Variants in OPRM1 observed in about 807,000 individuals in gnomAD.
OPRM1 encodes mu-type opioid receptor.
A neutral mutation model predicts 31.8 loss-of-function variants in OPRM1; 27 were observed. The ratio of observed to expected loss-of-function variants is 0.85; its 90% confidence interval spans 0.63 to 1.17. OPRM1 has a LOEUF of 1.17. Among genes scored for constraint, OPRM1 ranks in the 50% most tolerant of loss-of-function variants. OPRM1 has a pLI of 0.00. For missense variants in OPRM1, 536 were observed against 511.1 expected, an observed-to-expected ratio of 1.05 and a Z score of -0.47; for synonymous variants, 196 against 189.9, an observed-to-expected ratio of 1.03 and a Z score of -0.26.
At chr6:154,183,043 G>A (rs968075530) in intron 3 of OPRM1, among the ~76,000 whole-genome samples, 16 of 151,898 alleles carry the variant, frequency 1.1e-4, no homozygotes, top group Admixed American at 3.9e-4. Context: ...GCAGTGGTGT[G>A]ATCTCAGCTC....
At chr6:154,109,136 G>A in intron 3 of OPRM1, 3 of 609,400 alleles carry the variant, frequency 4.9e-6, no homozygotes, top group Non-Finnish European at 6.2e-6. Context: ...ATTGTGTTCA[G>A]AGATGAATAA....
chr6:154,246,192 T>C (rs1321303728), intron 3 of OPRM1, among the ~76,000 whole-genome samples: 1 of 152,204 alleles, frequency 6.6e-6, no homozygotes, highest in African/African-American at 2.4e-5. Context: ...GACACCCTTG[T>C]AGGTCGTGAA....
intron 3 of OPRM1, among the ~76,000 whole-genome samples, chr6:154,162,708 T>G (rs980456610): frequency 4.0e-5 from 6 of 148,180 alleles, no homozygotes; most frequent in Non-Finnish European, 9.0e-5. Flanking sequence ...GCTCTATCTA[T>G]GTTCATGCTG....
chr6:154,082,477 A>G (rs1789393034), intron 1 of OPRM1, among the ~76,000 whole-genome samples: 1 of 152,204 alleles, frequency 6.6e-6, no homozygotes, highest in Admixed American at 6.5e-5. Flanking sequence ...TCTACAGCAT[A>G]TGTTTGCACT....
At chr6:154,093,769 C>T (rs1792851419) in intron 3 of OPRM1, among the ~76,000 whole-genome samples, 1 of 152,206 alleles carries the variant, frequency 6.6e-6, no homozygotes, top group Non-Finnish European at 1.5e-5. Flanking sequence ...GATGCTCTGA[C>T]ATATTTAAAA....
chr6:154,188,338 T>G (rs1202083170), intron 3 of OPRM1, among the ~76,000 whole-genome samples: 1 of 152,222 alleles, frequency 6.6e-6, no homozygotes, highest in Admixed American at 6.5e-5. Context: ...TGAAATTTAT[T>G]ATAAGATGTA....
At chr6:154,185,588 T>C (rs1000204460) in intron 3 of OPRM1, among the ~76,000 whole-genome samples, 2 of 152,210 alleles carry the variant, frequency 1.3e-5, no homozygotes, top group African/African-American at 4.8e-5. Context: ...TAACACAAAA[T>C]ATGCCATATG....
intron 1 of OPRM1, among the ~76,000 whole-genome samples, chr6:154,053,796 G>A (rs772862078): frequency 5.3e-5 from 8 of 152,174 alleles, no homozygotes; most frequent in Non-Finnish European, 1.2e-4. Context: ...GAAAAAGTTC[G>A]CAAGAAGAGT....
At chr6:154,237,439 C>T (rs1357762843) in intron 3 of OPRM1, among the ~76,000 whole-genome samples, 2 of 152,182 alleles carry the variant, frequency 1.3e-5, no homozygotes, top group Non-Finnish European at 1.5e-5. Flanking sequence ...TGAGAAAAAC[C>T]ATTCCTGGTA....
At chr6:154,152,388 G>GAAAGAAAGAAAGAAAGAA (rs1401388362) in intron 3 of OPRM1, among the ~76,000 whole-genome samples, 1 of 151,070 alleles carries the variant, frequency 6.6e-6, no homozygotes. Flanking sequence ...AAGAAAGAAA[G>GAAAGAAAGAAAGAAAGAA]AAAGAGAAAT....
At chr6:154,152,331 G>GAAAAGAA (rs748560205) in intron 3 of OPRM1, among the ~76,000 whole-genome samples, 1 of 50,640 alleles carries the variant, frequency 2.0e-5, no homozygotes, top group Non-Finnish European at 3.6e-5. Context: ...AAGAAAGAAA[G>GAAAAGAA]AAAGAAAGAA....
chr6:154,141,510 CAA>C (rs1798209494), intron 3 of OPRM1, among the ~76,000 whole-genome samples: 1 of 152,186 alleles, frequency 6.6e-6, no homozygotes, highest in South Asian at 2.1e-4. Flanking sequence ...GTTAATGTAT[CAA>C]GTTTATCTTG....
chr6:154,180,400 ATATATATATATATATT>A (rs1408984914), intron 3 of OPRM1, among the ~76,000 whole-genome samples: 74 of 81,992 alleles, frequency 9.0e-4, no homozygotes, highest in East Asian at 2.0e-3. Flanking sequence ...ATATATATAT[ATATATATATATATATT>A]TTTTTTTTAA....
chr6:154,152,334 A>AAG (rs1798538530), intron 3 of OPRM1, among the ~76,000 whole-genome samples: 1 of 26,632 alleles, frequency 3.8e-5, no homozygotes. Context: ...AAAGAAAGAA[A>AAG]GAAAGAAAGA....
intron 3 of OPRM1, among the ~76,000 whole-genome samples, chr6:154,096,404 G>A (rs1793395729): frequency 1.3e-5 from 2 of 152,132 alleles, no homozygotes; most frequent in Admixed American, 6.5e-5. Flanking sequence ...TATTGAAAAC[G>A]TTTAGCATTA....
At chr6:154,165,640 C>G (rs1799366748) in intron 3 of OPRM1, among the ~76,000 whole-genome samples, 2 of 152,240 alleles carry the variant, frequency 1.3e-5, no homozygotes, top group Non-Finnish European at 2.9e-5. Flanking sequence ...GCAGGCAGCC[C>G]TGAGCGGGCC....
chr6:154,219,242 G>A (rs1159621894), intron 3 of OPRM1: 3 of 152,176 alleles, frequency 2.0e-5, no homozygotes, highest in African/African-American at 4.8e-5. Context: ...TGTGTAGGAG[G>A]AGAAATTCAC....
chr6:154,137,064 A>G (rs1439147090), downstream of OPRM1, among the ~76,000 whole-genome samples: 1 of 152,222 alleles, frequency 6.6e-6, no homozygotes, highest in Non-Finnish European at 1.5e-5. Flanking sequence ...CAGTAATACT[A>G]GTATCTCGTT....
At chr6:154,093,658 A>G in intron 3 of OPRM1, 1 of 928,114 alleles carries the variant, frequency 1.1e-6, no homozygotes, top group Non-Finnish European at 1.5e-6. Flanking sequence ...TCAGTGTAAG[A>G]TAACAGCAGA....
Sources: allele counts gnomAD v4.1 joint callset (sites outside exome capture counted in the v4.1 genomes callset), GRCh38; gene constraint gnomAD v4.1.1; transcripts MANE v1.5; gene names NCBI Gene and HGNC (gene_info 2026-07-23, HGNC 2026-07-21).